Variants in SNTG1 observed in about 807,000 individuals in gnomAD.
SNTG1 encodes the protein syntrophin gamma 1.
A neutral mutation model predicts 74.7 loss-of-function variants in SNTG1; 39 were observed. The ratio of observed to expected loss-of-function variants is 0.52; its 90% CI spans 0.40 to 0.68. SNTG1 has a LOEUF of 0.68. SNTG1 is among the 30% of genes least tolerant of loss of function. The pLI, the probability that SNTG1 is intolerant of heterozygous loss-of-function variation, is 0.00. For missense variants in SNTG1, 685 were observed against 609.5 expected (o/e 1.12, Z -1.30); for synonymous variants, 254 against 217.1 (o/e 1.17, Z -1.49).
intron 13 of SNTG1, among the ~76,000 whole-genome samples, chr8:50,623,678 T>A (rs1367602655): frequency 6.6e-6 from 1 of 151,284 alleles, no homozygotes; most frequent in Admixed American, 6.6e-5. Flanking sequence ...TATCATGAAG[T>A]ATTTGAAAAT....
At chr8:50,682,315 G>A (rs1472469665) in intron 15 of SNTG1, among the ~76,000 whole-genome samples, 1 of 152,076 alleles carries the variant, frequency 6.6e-6, no homozygotes, top group African/African-American at 2.4e-5. Context: ...AGGGATACAA[G>A]CTGGAGTGGC....
At chr8:50,692,212 G>T (rs1006069245) in intron 15 of SNTG1, among the ~76,000 whole-genome samples, 5 of 152,060 alleles carry the variant, frequency 3.3e-5, no homozygotes, top group Non-Finnish European at 7.3e-5. Flanking sequence ...CTGTAGCTCG[G>T]AGTAGTTTGA....
chr8:50,256,644 G>A (rs1234931045), intron 2 of SNTG1, among the ~76,000 whole-genome samples: 2 of 151,890 alleles, frequency 1.3e-5, no homozygotes, highest in Non-Finnish European at 2.9e-5. Flanking sequence ...TAAATATTTT[G>A]TAAGAAAATT....
At chr8:50,734,068 C>T (rs1185836256) in intron 17 of SNTG1, among the ~76,000 whole-genome samples, 2 of 151,496 alleles carry the variant, frequency 1.3e-5, no homozygotes, top group Admixed American at 1.3e-4. Context: ...TGATGAAAAA[C>T]TTAACTTTAA....
chr8:50,104,548 G>A (rs866781552), intron 1 of SNTG1, among the ~76,000 whole-genome samples: 1 of 151,742 alleles, frequency 6.6e-6, no homozygotes, highest in South Asian at 2.1e-4. Flanking sequence ...GCGTTTTTTT[G>A]TGTCTCTATT....
At chr8:50,178,595 A>G (rs2083087619) in intron 2 of SNTG1, among the ~76,000 whole-genome samples, 1 of 152,154 alleles carries the variant, frequency 6.6e-6, no homozygotes, top group African/African-American at 2.4e-5. Context: ...ATCTTCCTCT[A>G]TTTATCTGCA....
chr8:50,534,808 C>T lies in SNTG1; in HGVS notation c.550-1870C>T, dbSNP rs367792209. Reference sequence around the variant, plus strand: ...AAAATAAAAAAACCTTCTGTTTTTCCTTTCAAATATGAACATAGTAATAGC... The same window carrying T: ...AAAATAAAAAAACCTTCTGTTTTTCTTTTCAAATATGAACATAGTAATAGC... On this transcript the variant is annotated intron_variant, in intron 10 of 18. Transcript: ENST00000642720. 6.8e-4 allele frequency among the ~76,000 whole-genome samples: 104 copies of T among 152,174 alleles called. No individual in the cohort carries two copies. In the East Asian group the frequency reaches 0.019, roughly 28 times the overall value.
intron 2 of SNTG1, among the ~76,000 whole-genome samples, chr8:50,212,294 C>G (rs1381283772): frequency 6.6e-6 from 1 of 152,026 alleles, no homozygotes; most frequent in Non-Finnish European, 1.5e-5. Context: ...TCCATTTTAA[C>G]CATAAGTAAA....
At chr8:50,038,890 A>G (rs992785053) in intron 1 of SNTG1, among the ~76,000 whole-genome samples, 1 of 152,212 alleles carries the variant, frequency 6.6e-6, no homozygotes, top group East Asian at 1.9e-4. Context: ...CACTTTGGTT[A>G]ATCAGGTGTT....
chr8:50,670,167 A>G lies in SNTG1; in HGVS notation c.1038+11504A>G, dbSNP rs2095272843. ...TGCCCTCTCTCACCACTCCTATTCA[A>G]CATAGTGTTGGAAGTTCTGGCCAGG... On this transcript the variant is annotated intron_variant, in intron 15 of 18. Transcript: ENST00000642720. 2.0e-5 allele frequency among the ~76,000 whole-genome samples: 3 copies of G among 152,336 alleles called. No homozygotes were observed. The Middle Eastern group carries it at 0.01, about 518-fold the overall frequency.
chr8:50,760,503 A>G (rs1295840324), intron 18 of SNTG1, among the ~76,000 whole-genome samples: 2 of 151,914 alleles, frequency 1.3e-5, no homozygotes, highest in African/African-American at 4.8e-5. Context: ...TATTATTTTG[A>G]GATATGTTCC....
intron 2 of SNTG1, among the ~76,000 whole-genome samples, chr8:50,322,552 G>A (rs2090573855): frequency 6.6e-6 from 1 of 151,934 alleles, no homozygotes; most frequent in Non-Finnish European, 1.5e-5. Context: ...TAATCTTCTT[G>A]TATTTGAATA....
intron 2 of SNTG1, among the ~76,000 whole-genome samples, chr8:50,364,433 C>G (rs964054304): frequency 2.6e-5 from 4 of 152,136 alleles, no homozygotes; most frequent in Non-Finnish European, 5.9e-5. Context: ...CACACACTTA[C>G]TGTCATGGGC....
At chr8:50,595,194 C>T (rs1405988219) in intron 13 of SNTG1, among the ~76,000 whole-genome samples, 2 of 151,906 alleles carry the variant, frequency 1.3e-5, no homozygotes, top group African/African-American at 4.8e-5. Flanking sequence ...GTTAAAAACA[C>T]ATTATAGAGT....
intron 18 of SNTG1, among the ~76,000 whole-genome samples, chr8:50,759,219 G>A (rs10087781): frequency 0.44 from 66,312 of 151,744 alleles, 16,710 homozygotes; most frequent in African/African-American, 0.7. Context: ...GTCCCTTGTC[G>A]GATGGATAGA....
At chr8:50,345,675 A>G (rs2091450558) in intron 2 of SNTG1, among the ~76,000 whole-genome samples, 1 of 152,256 alleles carries the variant, frequency 6.6e-6, no homozygotes. Flanking sequence ...CAAACAAAAA[A>G]TAAGCAATGA....
At chr8:50,198,230 G>A (rs1260144078) in intron 2 of SNTG1, among the ~76,000 whole-genome samples, 1 of 152,166 alleles carries the variant, frequency 6.6e-6, no homozygotes, top group Non-Finnish European at 1.5e-5. Flanking sequence ...GGATCCAGCT[G>A]GGAGAAAGCA....
intron 2 of SNTG1, among the ~76,000 whole-genome samples, chr8:50,372,581 G>T (rs1017457233): frequency 6.6e-6 from 1 of 151,878 alleles, no homozygotes; most frequent in Non-Finnish European, 1.5e-5. Context: ...TCAAGAGATG[G>T]TCATAATTTA....
intron 15 of SNTG1, among the ~76,000 whole-genome samples, chr8:50,703,682 G>A (rs529920470): frequency 4.8e-4 from 73 of 151,690 alleles, no homozygotes; most frequent in Non-Finnish European, 7.8e-4. Context: ...CATCATAATC[G>A]TATGTGCTAG....
Sources: gnomAD v4.1 joint callset for allele counts (sites outside exome capture counted in the v4.1 genomes callset) on GRCh38, gnomAD v4.1.1 for gene constraint, MANE v1.5 for transcripts, NCBI Gene and HGNC (gene_info 2026-07-23, HGNC 2026-07-21) for gene names.